The following NEGR1 variants were observed in gnomAD, a reference collection of about 807,000 sequenced individuals.
NEGR1 encodes neuronal growth regulator 1.
In NEGR1, 10 loss-of-function variants were observed where a neutral mutation model predicts 40.9. The ratio of observed to expected loss-of-function variants is 0.24; its 90% confidence interval spans 0.15 to 0.42. NEGR1 has a LOEUF of 0.42. Ranked by LOEUF, NEGR1 falls within the 10% of genes least tolerant of loss-of-function variation. NEGR1 has a pLI of 1.00. For missense variants in NEGR1, 352 were observed against 438.9 expected, an observed-to-expected ratio of 0.80 and a Z score of 1.77; for synonymous variants, 185 against 166.8, an observed-to-expected ratio of 1.11 and a Z score of -0.84.
intron 1 of NEGR1, among the ~76,000 whole-genome samples, chr1:72,251,700 CATT>C (rs1158858895): frequency 6.6e-6 from 1 of 152,112 alleles, no homozygotes; most frequent in East Asian, 1.9e-4. Context: ...CATACATAAT[CATT>C]GTTTTTTTTC....
In NEGR1 at chr1:71,401,516, G is replaced by A. The variant is rs1045374412; in HGVS notation, c.*5930C>T. ...CATATTTTGAAAACAAAGTACAAAT[G>A]TATTTCTTAGGTTGCATATCATTTA... On this transcript the variant is annotated 3_prime_UTR_variant, in exon 7 of 7. Coordinates refer to ENST00000357731, the MANE Select transcript of NEGR1 (RefSeq NM_173808.3). The A allele has an allele frequency of 1.3e-5, 2 of 152,090 alleles. No individual in the cohort carries two copies. Among genetic ancestry groups the A allele is most frequent in the African/African-American group, 2.4e-5 (1 of 41,410 alleles). The allele number at this position is 152,090 out of a possible 1,614,324, so 9.4% of individuals were successfully genotyped here.
At chr1:71,786,446 T>C (rs2101729984) in intron 2 of NEGR1, among the ~76,000 whole-genome samples, 1 of 152,232 alleles carries the variant, frequency 6.6e-6, no homozygotes, top group East Asian at 1.9e-4. Flanking sequence ...AGTGAGAAGG[T>C]AGTTGGATAA....
chr1:72,214,776 A>T (rs1653736775), intron 1 of NEGR1, among the ~76,000 whole-genome samples: 2 of 152,034 alleles, frequency 1.3e-5, no homozygotes, highest in African/African-American at 4.8e-5. Context: ...GTAAATGGCC[A>T]TACTGCCCAA....
intron 2 of NEGR1, among the ~76,000 whole-genome samples, chr1:71,898,964 C>CATATATATAT (rs56183950): frequency 1.0e-5 from 1 of 95,938 alleles, no homozygotes; most frequent in South Asian, 3.2e-4. Context: ...ATATATATAG[C>CATATATATAT]ATATATATAT....
rs1007326620 is a variant in NEGR1, at chr1:71,882,290, G to T, written c.409+52789C>A. 2.6e-5 allele frequency among the ~76,000 whole-genome samples: 4 copies of T among 152,062 alleles called. No individual in the cohort carries two copies. The South Asian group carries it at 8.3e-4, about 31-fold the overall frequency. On this transcript the variant is annotated intron_variant, in intron 2 of 6. Coordinates refer to ENST00000357731, the MANE Select transcript of NEGR1 (RefSeq NM_173808.3). ...TAAAATTTTCCTCAGTCCTGCGGAA[G>T]GCCCAGTGAGTTACTTATATCAAAA... is the stretch of plus-strand genomic sequence containing the variant.
intron 4 of NEGR1, among the ~76,000 whole-genome samples, chr1:71,687,730 T>C (rs1355430043): frequency 6.6e-6 from 1 of 152,200 alleles, no homozygotes; most frequent in Non-Finnish European, 1.5e-5. Context: ...TGATCCTCTC[T>C]TCTCATCCTG....
At chr1:71,770,423 T>C (rs1300090486) in intron 3 of NEGR1, among the ~76,000 whole-genome samples, 1 of 152,214 alleles carries the variant, frequency 6.6e-6, no homozygotes, top group East Asian at 1.9e-4. Flanking sequence ...GGAAGTAGCC[T>C]AGACTTCTGA....
intron 1 of NEGR1, among the ~76,000 whole-genome samples, chr1:72,140,756 T>C (rs1338912773): frequency 6.6e-6 from 1 of 152,082 alleles, no homozygotes; most frequent in African/African-American, 2.4e-5. Context: ...CTCAAAATTA[T>C]ACGTATGTAA....
At chr1:72,010,485 A>T (rs562376713) in intron 1 of NEGR1, among the ~76,000 whole-genome samples, 8 of 152,116 alleles carry the variant, frequency 5.3e-5, no homozygotes, top group Non-Finnish European at 1.0e-4. Flanking sequence ...ACTAAAGAAA[A>T]TGTGACAAAA....
At chr1:71,528,173 C>A (rs1426705307) in intron 6 of NEGR1, among the ~76,000 whole-genome samples, 1 of 151,306 alleles carries the variant, frequency 6.6e-6, no homozygotes, top group East Asian at 1.9e-4. Context: ...TAGTCTTCTA[C>A]ATTTTCTACC....
chr1:71,708,899 T>C (rs1356826790), intron 3 of NEGR1, among the ~76,000 whole-genome samples: 1 of 152,222 alleles, frequency 6.6e-6, no homozygotes, highest in Admixed American at 6.5e-5. Flanking sequence ...GTTCCTTCCA[T>C]GTCCCTGCAA....
chr1:71,956,344 T>G (rs929555386), intron 1 of NEGR1, among the ~76,000 whole-genome samples: 1 of 152,272 alleles, frequency 6.6e-6, no homozygotes, highest in Non-Finnish European at 1.5e-5. Flanking sequence ...ATTAGAAATA[T>G]ATTCAACTTT....
At chr1:71,711,310 C>G (rs1323596110) in intron 3 of NEGR1, among the ~76,000 whole-genome samples, 1 of 137,906 alleles carries the variant, frequency 7.3e-6, no homozygotes, top group African/African-American at 2.7e-5. Flanking sequence ...CGCCACTGCA[C>G]TCCAGCCTGT....
At chr1:71,665,461 C>A (rs183145944) in intron 4 of NEGR1, among the ~76,000 whole-genome samples, 1 of 152,252 alleles carries the variant, frequency 6.6e-6, no homozygotes, top group East Asian at 1.9e-4. Flanking sequence ...TTGGATCCTG[C>A]CATGTGACAA....
Position 71,741,908 on chromosome 1 carries a change from G to A in NEGR1, c.535+34264C>T, listed in dbSNP as rs1377903877. 2.0e-5 allele frequency among the ~76,000 whole-genome samples: 3 copies of A among 152,186 alleles called. No homozygotes were observed. In the South Asian group the frequency reaches 6.2e-4, roughly 32 times the overall value. ...CCAGATCTCATGAGAAGTCACTCAC[G>A]ACTGTGAGGACAGTTCTAAGAGCAT... is the stretch of plus-strand genomic sequence containing the variant. On this transcript the variant is annotated intron_variant, in intron 3 of 6. Transcript: ENST00000357731.
At chr1:71,692,426 T>C (rs1190648440) in intron 4 of NEGR1, among the ~76,000 whole-genome samples, 1 of 151,758 alleles carries the variant, frequency 6.6e-6, no homozygotes, top group Non-Finnish European at 1.5e-5. Flanking sequence ...TGAATTCAAA[T>C]AACTCTGTTT....
chr1:71,850,230 A>G (rs959668647), intron 2 of NEGR1, among the ~76,000 whole-genome samples: 30 of 152,130 alleles, frequency 2.0e-4, no homozygotes, highest in African/African-American at 5.6e-4. Flanking sequence ...AGTTTGACTC[A>G]CTGCAACCTC....
At chr1:71,980,995 T>C (rs559013970) in intron 1 of NEGR1, among the ~76,000 whole-genome samples, 1 of 152,282 alleles carries the variant, frequency 6.6e-6, no homozygotes, top group East Asian at 1.9e-4. Context: ...TTCTTTCTTC[T>C]GTGCATCTGT....
rs577939354 is a variant in NEGR1, at chr1:72,231,467, C to T, written c.176+50852G>A. On this transcript the variant is annotated intron_variant, in intron 1 of 6. Transcript: ENST00000357731. Reference sequence around the variant, plus strand: ...ATTTACATGGGGACAATGATAGTACCTATCTCAGAATTGCTCTGAATATTA... The same window carrying T: ...ATTTACATGGGGACAATGATAGTACTTATCTCAGAATTGCTCTGAATATTA... Among the ~76,000 whole-genome samples, 122 of 152,168 alleles carry T rather than the reference C, an allele frequency of 8.0e-4. 4 individuals are homozygous for T. In the South Asian group the frequency reaches 0.024, roughly 30 times the overall value.
Sources: gnomAD v4.1 joint callset for allele counts (sites outside exome capture counted in the v4.1 genomes callset) on GRCh38, gnomAD v4.1.1 for gene constraint, MANE v1.5 for transcripts, NCBI Gene and HGNC (gene_info 2026-07-23, HGNC 2026-07-21) for gene names.